SAMD12: variants seen among roughly 807,000 people sequenced by gnomAD.
The protein encoded by SAMD12 is sterile alpha motif domain-containing protein 12.
A neutral mutation model predicts 15.0 loss-of-function variants in SAMD12; 9 were observed. That is an observed-to-expected ratio of 0.60 (90% confidence interval 0.36 to 1.05). The LOEUF is 1.05. Ranked by LOEUF, SAMD12 falls within the 50% of genes least tolerant of loss-of-function variation. SAMD12 has a pLI of 0.01. For missense variants in SAMD12, 230 were observed against 234.2 expected (o/e 0.98, Z 0.12); for synonymous variants, 86 against 90.1 (o/e 0.96, Z 0.25).
intron 2 of SAMD12, among the ~76,000 whole-genome samples, chr8:118,579,855 A>T (rs1429597365): frequency 2.0e-5 from 3 of 152,172 alleles, no homozygotes; most frequent in African/African-American, 7.2e-5. Context: ...GAGTATCTTC[A>T]ACAACACTGT....
intron 2 of SAMD12, among the ~76,000 whole-genome samples, chr8:118,451,135 C>T (rs983263862): frequency 3.3e-5 from 5 of 152,120 alleles, no homozygotes; most frequent in African/African-American, 4.8e-5. Context: ...AAGGTCACAC[C>T]GCTAGTGAAT....
At chr8:118,454,169 G>A (rs1823169187) in intron 2 of SAMD12, among the ~76,000 whole-genome samples, 1 of 152,150 alleles carries the variant, frequency 6.6e-6, no homozygotes, top group South Asian at 2.1e-4. Flanking sequence ...GTCCCTGCAT[G>A]TCAGAAAAAG....
At chr8:118,216,857 A>G (rs1326290475) in intron 4 of SAMD12, among the ~76,000 whole-genome samples, 1 of 152,232 alleles carries the variant, frequency 6.6e-6, no homozygotes, top group African/African-American at 2.4e-5. Context: ...TTAGCTGCGT[A>G]TGAATGTGGT....
intron 4 of SAMD12, among the ~76,000 whole-genome samples, chr8:118,303,590 C>T (rs1815158813): frequency 6.6e-6 from 1 of 152,120 alleles, no homozygotes; most frequent in African/African-American, 2.4e-5. Context: ...TTGGCAGGGC[C>T]TTCTTAGGAT....
the SAMD12 span, among the ~76,000 whole-genome samples, chr8:118,180,399 C>A: frequency 1.3e-5 from 2 of 152,240 alleles, no homozygotes; most frequent in East Asian, 3.9e-4. Context: ...CATGTACACA[C>A]CACGACCCTT....
intron 1 of SAMD12, among the ~76,000 whole-genome samples, chr8:118,585,497 T>A (rs924730773): frequency 3.9e-5 from 6 of 152,218 alleles, no homozygotes; most frequent in Non-Finnish European, 8.8e-5. Context: ...CCCCACTCCC[T>A]CTCATTTTAA....
chr8:118,199,560 C>A (rs1819654751), intron 4 of SAMD12, among the ~76,000 whole-genome samples: 1 of 151,982 alleles, frequency 6.6e-6, no homozygotes, highest in South Asian at 2.1e-4. Context: ...AAAGAGTAAG[C>A]CCTAATTAAT....
At chr8:118,256,780 A>G (rs1812949527) in intron 4 of SAMD12, among the ~76,000 whole-genome samples, 1 of 2,624 alleles carries the variant, frequency 3.8e-4, no homozygotes, top group East Asian at 0.038. Context: ...TGCATAAGAT[A>G]CACACACACA....
At chr8:118,292,699 C>T (rs946439093) in intron 4 of SAMD12, among the ~76,000 whole-genome samples, 1 of 152,108 alleles carries the variant, frequency 6.6e-6, no homozygotes, top group Admixed American at 6.5e-5. Context: ...GGCACATATA[C>T]ACCACGGAAT....
intron 3 of SAMD12, among the ~76,000 whole-genome samples, chr8:118,382,414 T>C (rs934288463): frequency 1.1e-4 from 16 of 152,252 alleles, no homozygotes; most frequent in African/African-American, 3.4e-4. Context: ...TTTGCTTTGT[T>C]TGATGCCTTC....
chr8:118,406,838 T>C (rs1821152213), intron 3 of SAMD12, among the ~76,000 whole-genome samples: 1 of 151,928 alleles, frequency 6.6e-6, no homozygotes, highest in Non-Finnish European at 1.5e-5. Flanking sequence ...GGTTCACCCA[T>C]GTTGTAGCAT....
intron 2 of SAMD12, among the ~76,000 whole-genome samples, chr8:118,448,719 CT>C (rs1474688772): frequency 6.6e-6 from 1 of 152,114 alleles, no homozygotes; most frequent in Non-Finnish European, 1.5e-5. Flanking sequence ...CAATTTTTTT[CT>C]TTTTCAACTG....
intron 2 of SAMD12, among the ~76,000 whole-genome samples, chr8:118,482,998 C>T (rs1355129764): frequency 2.0e-5 from 3 of 152,142 alleles, no homozygotes; most frequent in African/African-American, 2.4e-5. Context: ...GAGGGCAGTG[C>T]TGCAAAGTAT....
At chr8:118,132,782 T>G in the SAMD12 span, among the ~76,000 whole-genome samples, 1 of 151,708 alleles carries the variant, frequency 6.6e-6, no homozygotes, top group Admixed American at 6.6e-5. Flanking sequence ...TGGAGCTGAG[T>G]GCAGTTTTTA....
chr8:118,227,059 A>C (rs947247624), intron 4 of SAMD12, among the ~76,000 whole-genome samples: 7 of 152,184 alleles, frequency 4.6e-5, no homozygotes, highest in African/African-American at 1.7e-4. Flanking sequence ...ATAAAGACAC[A>C]TGTATGTGAA....
chr8:118,295,910 G>A lies in SAMD12; in HGVS notation c.433+83650C>T, dbSNP rs542662012. 4.6e-5 allele frequency among the ~76,000 whole-genome samples: 7 copies of A among 152,212 alleles called. No individual in the cohort carries two copies. The South Asian group carries it at 1.0e-3, about 23-fold the overall frequency. On this transcript the variant is annotated intron_variant, in intron 4 of 4. Transcript: ENST00000409003. ...GCATCTCATCTTGGCCTCCCAAAGC[G>A]CTGGGATTACAGGCTGACCCACTGC...
intron 2 of SAMD12, among the ~76,000 whole-genome samples, chr8:118,519,347 T>C (rs929289392): frequency 1.3e-5 from 2 of 152,234 alleles, no homozygotes; most frequent in Non-Finnish European, 2.9e-5. Context: ...GCACTGGACA[T>C]CTTAAATTAT....
chr8:118,231,697 G>A (rs1055265435), intron 4 of SAMD12, among the ~76,000 whole-genome samples: 4 of 152,170 alleles, frequency 2.6e-5, no homozygotes, highest in Non-Finnish European at 5.9e-5. Context: ...GTTAGGCACT[G>A]AGGATAGAAG....
chr8:118,460,540 T>G (rs1823385559), intron 2 of SAMD12, among the ~76,000 whole-genome samples: 1 of 152,102 alleles, frequency 6.6e-6, no homozygotes, highest in East Asian at 1.9e-4. Flanking sequence ...CAAGTGAATG[T>G]GAAATGCAGA....
Sources: allele counts gnomAD v4.1 joint callset (sites outside exome capture counted in the v4.1 genomes callset), GRCh38; gene constraint gnomAD v4.1.1; transcripts MANE v1.5; gene names NCBI Gene and HGNC (gene_info 2026-07-23, HGNC 2026-07-21).